The following SPPL3 variants were observed in gnomAD, a reference collection of about 807,000 sequenced individuals.
SPPL3 encodes signal peptide peptidase-like 3.
SPPL3 carries 5 observed loss-of-function variants against 42.4 expected under a neutral mutation model. That is an observed-to-expected ratio of 0.12 (90% confidence interval 0.06 to 0.25). SPPL3 has a LOEUF of 0.25. Among genes scored for constraint, SPPL3 ranks in the 10% least tolerant of loss-of-function variants. The probability of loss-of-function intolerance (pLI) is 1.00; values close to 1 mark genes in which losing one functional copy is unlikely to be tolerated. For missense variants in SPPL3, 235 were observed against 489.0 expected (o/e 0.48, Z 4.90); for synonymous variants, 195 against 181.8 (o/e 1.07, Z -0.58).
chr12:120,875,010 C>T (rs1188603350), intron 1 of SPPL3, among the ~76,000 whole-genome samples: 1 of 152,124 alleles, frequency 6.6e-6, no homozygotes, highest in Non-Finnish European at 1.5e-5. Flanking sequence ...GCACGGGTTC[C>T]GGCCAACAGA....
intron 1 of SPPL3, among the ~76,000 whole-genome samples, chr12:120,877,463 C>G (rs988217626): frequency 6.6e-6 from 1 of 152,142 alleles, no homozygotes. Flanking sequence ...AAAATGTTAG[C>G]AAATCAAACC....
At chr12:120,902,303 T>C (rs930518455) in intron 1 of SPPL3, among the ~76,000 whole-genome samples, 5 of 152,218 alleles carry the variant, frequency 3.3e-5, no homozygotes, top group Admixed American at 6.5e-5. Flanking sequence ...TCATCTTCAA[T>C]CCCCAACTCC....
At chr12:120,840,764 G>A (rs950640414) in intron 1 of SPPL3, among the ~76,000 whole-genome samples, 1 of 151,974 alleles carries the variant, frequency 6.6e-6, no homozygotes, top group Non-Finnish European at 1.5e-5. Flanking sequence ...CTTGGGAGGC[G>A]GAGGTTGCAG....
At chr12:120,818,766 G>T (rs922175376) in intron 1 of SPPL3, among the ~76,000 whole-genome samples, 1 of 152,194 alleles carries the variant, frequency 6.6e-6, no homozygotes, top group Admixed American at 6.5e-5. Flanking sequence ...AAGAGCTTTA[G>T]CACATGTGGG....
intron 9 of SPPL3, 36 bp from the exon 10 acceptor site, chr12:120,766,408 G>A (rs748510180): frequency 1.3e-6 from 2 of 1,507,630 alleles, no homozygotes; most frequent in South Asian, 2.5e-5. Context: ...AGACACGAGA[G>A]GGAACCCGTG....
chr12:120,781,247 G>A (rs1869525996), intron 6 of SPPL3, among the ~76,000 whole-genome samples: 1 of 152,040 alleles, frequency 6.6e-6, no homozygotes, highest in South Asian at 2.1e-4. Context: ...ACAGGTTGGA[G>A]TATAAACTAC....
chr12:120,777,248 T>G (rs186426439), intron 6 of SPPL3, among the ~76,000 whole-genome samples: 1 of 152,326 alleles, frequency 6.6e-6, no homozygotes, highest in Non-Finnish European at 1.5e-5. Context: ...AGGAAGCCAC[T>G]GGACTAGGTA....
intron 6 of SPPL3, among the ~76,000 whole-genome samples, chr12:120,776,848 C>A (rs1397118623): frequency 1.3e-5 from 2 of 152,134 alleles, no homozygotes; most frequent in Admixed American, 6.6e-5. Context: ...AAACTCAGAC[C>A]ACATGGGGGA....
intron 1 of SPPL3, among the ~76,000 whole-genome samples, chr12:120,862,139 T>C (rs150795783): frequency 1.2e-4 from 19 of 152,298 alleles, no homozygotes; most frequent in African/African-American, 4.3e-4. Context: ...CTTCCTGATA[T>C]TTACCATATT....
chr12:120,879,113 CAA>C (rs63543261), intron 1 of SPPL3, among the ~76,000 whole-genome samples: 9 of 65,118 alleles, frequency 1.4e-4, no homozygotes, highest in South Asian at 8.2e-4. Context: ...AACTCTGTCT[CAA>C]AAAAAAAAAA....
At chr12:120,890,995 G>A (rs958283023) in intron 1 of SPPL3, among the ~76,000 whole-genome samples, 6 of 152,210 alleles carry the variant, frequency 3.9e-5, no homozygotes, top group Non-Finnish European at 7.3e-5. Flanking sequence ...GATTTCCAGA[G>A]ATGTCTTGGG....
At chr12:120,787,461 AACAAGGTCAG>A (rs1454401337) in intron 3 of SPPL3, among the ~76,000 whole-genome samples, 1 of 152,190 alleles carries the variant, frequency 6.6e-6, no homozygotes, top group Non-Finnish European at 1.5e-5. Context: ...GAGAAGTTAG[AACAAGGTCAG>A]GGGAAATCAG....
intron 1 of SPPL3, among the ~76,000 whole-genome samples, chr12:120,816,546 C>T (rs756318438): frequency 5.3e-5 from 8 of 152,004 alleles, no homozygotes; most frequent in Non-Finnish European, 2.9e-5. Flanking sequence ...AGGGTTTCAC[C>T]TGTTGCTTAA....
At chr12:120,839,232 A>G (rs528615482) in intron 1 of SPPL3, among the ~76,000 whole-genome samples, 2 of 151,692 alleles carry the variant, frequency 1.3e-5, no homozygotes, top group African/African-American at 4.8e-5. Flanking sequence ...ATTGGAAATC[A>G]TCATTCTCAG....
At chr12:120,795,192 C>G (rs1250927500) in intron 2 of SPPL3, among the ~76,000 whole-genome samples, 1 of 152,190 alleles carries the variant, frequency 6.6e-6, no homozygotes, top group East Asian at 1.9e-4. Context: ...ATCAATCCTT[C>G]TGCTTCAACC....
chr12:120,891,736 TAAA>T (rs5801407), intron 1 of SPPL3, among the ~76,000 whole-genome samples: 65,346 of 134,662 alleles, frequency 0.49, 15,231 homozygotes, highest in East Asian at 0.56. Context: ...TTGCAAATTC[TAAA>T]AAAAAAAAAA....
Position 120,904,116 on chromosome 12 carries a change from C to A in SPPL3, c.-249G>T. The A allele has an allele frequency of 3.3e-6, 1 of 306,620 alleles. No homozygotes were observed. Among genetic ancestry groups the A allele is most frequent in the South Asian group, 1.4e-4 (1 of 7,068 alleles). 19.0% of individuals were successfully genotyped at this position (306,620 alleles called of 1,614,324 possible). A position where few individuals can be genotyped will look rare whatever the true frequency, so the allele number is the denominator to read the frequency against. On this transcript the variant is annotated 5_prime_UTR_variant, in exon 1 of 11. Transcript: ENST00000353487. ...CGGCCTCCCTCACCCGCGGCGGCGG[C>A]GGCGGCTCCGCTGCAGCTCCAAACC...
chr12:120,853,702 C>G (rs538785), intron 1 of SPPL3, among the ~76,000 whole-genome samples: 36,860 of 151,814 alleles, frequency 0.24, 5,516 homozygotes, highest in Non-Finnish European at 0.35. Context: ...GCTGTACCTA[C>G]CCCAGAGTTT....
At chr12:120,827,353 AAT>A (rs1328621809) in intron 1 of SPPL3, among the ~76,000 whole-genome samples, 10 of 144,626 alleles carry the variant, frequency 6.9e-5, no homozygotes, top group Non-Finnish European at 1.3e-4. Flanking sequence ...TAATAATAAT[AAT>A]ATAATAATAT....
Sources: allele counts gnomAD v4.1 joint callset (sites outside exome capture counted in the v4.1 genomes callset), GRCh38; gene constraint gnomAD v4.1.1; transcripts MANE v1.5; gene names NCBI Gene and HGNC (gene_info 2026-07-23, HGNC 2026-07-21).